Variants in EYS observed in about 807,000 individuals in gnomAD.
The protein encoded by EYS is protein eyes shut homolog.
Under a neutral mutation model 282.1 loss-of-function variants are expected in EYS, and 250 were observed. The ratio of observed to expected loss-of-function variants is 0.89; its 90% confidence interval spans 0.80 to 0.98. EYS has a LOEUF of 0.98. Among genes scored for constraint, EYS ranks in the 50% least tolerant of loss-of-function variants. EYS has a pLI of 0.00. For missense variants in EYS, 4,016 were observed against 3,709.0 expected, an observed-to-expected ratio of 1.08 and a Z score of -2.15; for synonymous variants, 1,355 against 1,282.9, an observed-to-expected ratio of 1.06 and a Z score of -1.20.
At chr6:64,167,877 C>T (rs1449310345) in intron 31 of EYS, among the ~76,000 whole-genome samples, 1 of 152,118 alleles carries the variant, frequency 6.6e-6, no homozygotes, top group Non-Finnish European at 1.5e-5. Context: ...GCATTATGTA[C>T]ATTAAAAGAT....
intron 5 of EYS, among the ~76,000 whole-genome samples, chr6:65,481,840 G>T (rs1365126493): frequency 6.6e-6 from 1 of 152,136 alleles, no homozygotes; most frequent in Non-Finnish European, 1.5e-5. Flanking sequence ...AAACTGCTGG[G>T]ATTACAGGCG....
At position 64,768,975 on chromosome 6, in the gene EYS, A is replaced by C. The variant is rs76205228; in HGVS notation, c.3443+44403T>G. ...GGCAATTGTGTATGAATGGAGCTAGATCCTGTTGCTTCCTTGAGTCACCTT... is the reference window on the plus strand; with the variant it reads ...GGCAATTGTGTATGAATGGAGCTAGCTCCTGTTGCTTCCTTGAGTCACCTT... On this transcript the variant is annotated intron_variant, in intron 22 of 42. Coordinates refer to ENST00000503581, the MANE Select transcript of EYS (RefSeq NM_001142800.2). Among the ~76,000 whole-genome samples, 7 of 152,188 alleles carry C rather than the reference A, an allele frequency of 4.6e-5. No homozygotes were observed. The East Asian group carries it at 1.4e-3, about 29-fold the overall frequency.
intron 36 of EYS, among the ~76,000 whole-genome samples, chr6:63,831,980 G>A (rs978468581): frequency 7.2e-5 from 11 of 152,108 alleles, no homozygotes; most frequent in African/African-American, 2.4e-4. Context: ...GGTACATAAC[G>A]AAATGAAGGC....
At chr6:64,595,470 T>C (rs1766556117) in intron 24 of EYS, among the ~76,000 whole-genome samples, 1 of 151,926 alleles carries the variant, frequency 6.6e-6, no homozygotes, top group South Asian at 2.1e-4. Context: ...TAAAGAGCAT[T>C]AAAATTAGAA....
intron 12 of EYS, among the ~76,000 whole-genome samples, chr6:65,151,326 G>T (rs561272274): frequency 1.3e-5 from 2 of 152,102 alleles, no homozygotes; most frequent in South Asian, 4.1e-4. Context: ...ATCTGTAGAA[G>T]ATAGGGAAGG....
chr6:64,237,316 C>G (rs541009585), intron 30 of EYS, among the ~76,000 whole-genome samples: 1 of 152,226 alleles, frequency 6.6e-6, no homozygotes, highest in East Asian at 1.9e-4. Context: ...AGTAAAACCC[C>G]TTTTGCAGGT....
At chr6:64,199,642 C>T (rs4507561) in intron 31 of EYS, among the ~76,000 whole-genome samples, 2 of 152,050 alleles carry the variant, frequency 1.3e-5, no homozygotes, top group African/African-American at 4.8e-5. Flanking sequence ...GAACAGGCAA[C>T]CTACAGAATG....
At chr6:65,487,096 G>A (rs929819450) in intron 5 of EYS, among the ~76,000 whole-genome samples, 8 of 152,108 alleles carry the variant, frequency 5.3e-5, no homozygotes, top group African/African-American at 1.9e-4. Flanking sequence ...GGGTTTTCTA[G>A]ATATACAATC....
chr6:65,205,144 C>T (rs1766004848), intron 12 of EYS, among the ~76,000 whole-genome samples: 1 of 148,472 alleles, frequency 6.7e-6, no homozygotes, highest in Non-Finnish European at 1.5e-5. Context: ...TGTCGGCTGC[C>T]TATGAGAGAA....
chr6:64,050,229 CCT>C (rs1284982302), intron 33 of EYS, among the ~76,000 whole-genome samples: 3 of 152,106 alleles, frequency 2.0e-5, no homozygotes, highest in African/African-American at 4.8e-5. Context: ...CTGATCATCC[CCT>C]CTTTGGAATT....
intron 26 of EYS, among the ~76,000 whole-genome samples, chr6:64,486,683 C>A (rs1337329368): frequency 6.6e-6 from 1 of 151,304 alleles, no homozygotes; most frequent in Non-Finnish European, 1.5e-5. Flanking sequence ...ATGATCAATT[C>A]TGGAATAAAC....
chr6:64,610,924 T>C (rs2149844621), intron 24 of EYS, among the ~76,000 whole-genome samples: 1 of 152,252 alleles, frequency 6.6e-6, no homozygotes, highest in African/African-American at 2.4e-5. Flanking sequence ...CATTACAAAA[T>C]ACTGTCACTG....
chr6:64,458,997 G>T lies in EYS; in HGVS notation c.5645-19645C>A, dbSNP rs536172529. ...AGACATCCAGTGTGGTTCCTTATAC[G>T]AATTCCACATTGAGAGAGTGGTGTA... On this transcript the variant is annotated intron_variant, in intron 26 of 42. Transcript: ENST00000503581. Among the ~76,000 whole-genome samples the T allele has an allele frequency of 7.9e-5, 12 of 152,178 alleles. 1 individual carries two copies. Among genetic ancestry groups the T allele is most frequent in the South Asian group, 2.1e-4 (1 of 4,818 alleles).
chr6:64,060,604 T>G (rs569149029), intron 33 of EYS, among the ~76,000 whole-genome samples: 30 of 152,324 alleles, frequency 2.0e-4, no homozygotes, highest in South Asian at 1.0e-3. Flanking sequence ...ATTTCTTTCT[T>G]AAACAACTGT....
chr6:65,535,714 CT>C (rs1767939862), intron 2 of EYS, among the ~76,000 whole-genome samples: 2 of 152,122 alleles, frequency 1.3e-5, no homozygotes, highest in South Asian at 4.1e-4. Flanking sequence ...CGATGTCAAA[CT>C]TTTTGTTCTA....
At chr6:64,389,925 G>A (rs602256) in intron 28 of EYS, among the ~76,000 whole-genome samples, 103,430 of 150,008 alleles carry the variant, frequency 0.69, 35,659 homozygotes, top group Non-Finnish European at 0.71. Flanking sequence ...CACACCGTGC[G>A]CCAGCCGAAG....
chr6:65,381,900 G>GT, intron 8 of EYS, among the ~76,000 whole-genome samples: 1 of 151,958 alleles, frequency 6.6e-6, no homozygotes, highest in Admixed American at 6.6e-5. Flanking sequence ...TTTAAGGTCT[G>GT]TTTTACATAA....
intron 15 of EYS, among the ~76,000 whole-genome samples, chr6:64,920,707 T>G (rs1185853314): frequency 6.6e-6 from 1 of 152,166 alleles, no homozygotes; most frequent in Admixed American, 6.5e-5. Flanking sequence ...AATGCATATA[T>G]AATCTTTCAA....
intron 2 of EYS, among the ~76,000 whole-genome samples, chr6:65,564,427 T>C (rs1006724605): frequency 2.0e-5 from 3 of 151,974 alleles, no homozygotes; most frequent in Non-Finnish European, 4.4e-5. Context: ...AAAACAGATA[T>C]ACAGAGCAAT....
Sources: gnomAD v4.1 joint callset for allele counts (sites outside exome capture counted in the v4.1 genomes callset) on GRCh38, gnomAD v4.1.1 for gene constraint, MANE v1.5 for transcripts, NCBI Gene and HGNC (gene_info 2026-07-23, HGNC 2026-07-21) for gene names.